The following SMTN variants were observed in gnomAD, a reference collection of about 807,000 sequenced individuals.
The protein encoded by SMTN is smoothelin.
SMTN carries 58 observed loss-of-function variants against 102.0 expected under a neutral mutation model. That is an observed-to-expected ratio of 0.57 (90% CI 0.46 to 0.71). The LOEUF (loss-of-function observed/expected upper bound fraction) is 0.71, where lower values mean the gene tolerates loss of function less well. Among genes scored for constraint, SMTN ranks in the 30% least tolerant of loss-of-function variants. The pLI, the probability that SMTN is intolerant of heterozygous loss-of-function variation, is 0.00. For missense variants in SMTN, 1,185 were observed against 1,241.7 expected (o/e 0.95, Z 0.69); for synonymous variants, 478 against 497.9 (o/e 0.96, Z 0.53).
Position 31,099,836 on chromosome 22 carries a change from A to G in SMTN, c.2543A>G (p.Tyr848Cys). The change falls in exon 19 of 21, where the codon TAT becomes TGT. Residue 848 changes from tyrosine to cysteine, a missense_variant. By Grantham distance (194) the Tyr-to-Cys change is radical (BLOSUM62 -2). Transcript: ENST00000333137. ...VHNFFPEAFD[Y>C]GQLSPQNRRQ... is the part of the protein sequence containing the mutation. The stretch of plus-strand genomic sequence containing the variant: ...AACTTCTTCCCTGAGGCCTTCGACT[A>G]TGGGCAGCTTAGCCCTCAGAACCGA... The G allele has an allele frequency of 1.2e-6, 2 of 1,614,072 alleles. No homozygotes were observed. Among genetic ancestry groups the G allele is most frequent in the Non-Finnish European group, 1.7e-6 (2 of 1,179,956 alleles).
chr22:31,076,729 C>T (rs554533821), upstream of SMTN, among the ~76,000 whole-genome samples: 4 of 152,268 alleles, frequency 2.6e-5, no homozygotes, highest in East Asian at 7.7e-4. Flanking sequence ...CTCTGGGACT[C>T]AGTTACCTAT....
chr22:31,088,338 G>A (rs1184806872), intron 3 of SMTN, 175 bp from the exon 4 acceptor site: 1 of 753,228 alleles, frequency 1.3e-6, no homozygotes, highest in Non-Finnish European at 2.2e-6. Flanking sequence ...CTGAGTGTGT[G>A]GTATTAGTGC....
At chr22:31,071,401 G>A (rs995757197) in intron 1 of SMTN, among the ~76,000 whole-genome samples, 6 of 152,130 alleles carry the variant, frequency 3.9e-5, no homozygotes, top group African/African-American at 1.4e-4. Context: ...GGGAGGCTGA[G>A]GCAGGAGGAT....
In SMTN at chr22:31,084,941, G is replaced by A. The variant is rs2042565816; in HGVS notation, c.51+1632G>A. 6 of 1,364,368 alleles carry A rather than the reference G, an allele frequency of 4.4e-6. No individual in the cohort carries two copies. In the Admixed American group the frequency reaches 1.4e-4, roughly 33 times the overall value. The allele number at this position is 1,364,368 out of a possible 1,614,324, so 84.5% of individuals were successfully genotyped here. On this transcript the variant is annotated intron_variant, in intron 2 of 20. Coordinates refer to ENST00000333137, the MANE Select transcript of SMTN (RefSeq NM_134269.3). ...GGCGTCCCGAGCCGGGCTCCTCCCC[G>A]CGGGGCCGGGCCATATAAGGAAAAG...
At chr22:31,085,031 TC>T in intron 2 of SMTN, 1 of 1,508,888 alleles carries the variant, frequency 6.6e-7, no homozygotes, top group Non-Finnish European at 8.8e-7. Context: ...GGCAGTCGCT[TC>T]CGGCCCCGGC....
At position 31,098,678 on chromosome 22, in the gene SMTN, G is replaced by T. The variant is rs745964072; in HGVS notation, c.2171G>T (p.Arg724Leu). The T allele has an allele frequency of 6.2e-7, 1 of 1,613,298 alleles. No homozygotes were observed. The highest frequency in any genetic ancestry group is 1.7e-5 in the Admixed American group (1 of 59,990). Residue 724 changes from arginine (R) to leucine (L), a missense_variant, in exon 17 of 21, where the codon CGC (arginine) becomes CTC (leucine). Physicochemically the swap from Arg to Leu is moderately radical, Grantham distance 102. Transcript: ENST00000333137. ...TCCCCAACCCCTAGCATCTTCGACCGCGAGGACCAGGCCAGCCCACGGGCC... is the reference window on the plus strand; with the variant it reads ...TCCCCAACCCCTAGCATCTTCGACCTCGAGGACCAGGCCAGCCCACGGGCC... ...SSKKMGSIFD[R>L]EDQASPRAGS...
At chr22:31,092,870 T>C (rs1401269696) in intron 11 of SMTN, among the ~76,000 whole-genome samples, 1 of 152,240 alleles carries the variant, frequency 6.6e-6, no homozygotes, top group Admixed American at 6.5e-5. Context: ...GTGAGCACCA[T>C]GGGCAGGCCA....
In SMTN at chr22:31,104,378, C is replaced by G. The variant is rs756270184; in HGVS notation, c.*83C>G. ...GACATGATGATCATGGGCAAGAAGC[C>G]TGACCCCAAGTGTGTCTTCACCTAT... On this transcript the variant is annotated 3_prime_UTR_variant, in exon 21 of 21. Coordinates refer to ENST00000333137, the MANE Select transcript of SMTN (RefSeq NM_134269.3). The G allele has an allele frequency of 7.4e-6, 12 of 1,614,078 alleles. No homozygotes were observed. Among genetic ancestry groups the G allele is most frequent in the Non-Finnish European group, 8.5e-6 (10 of 1,180,038 alleles).
At chr22:31,103,030 T>C (rs2044222646) in intron 20 of SMTN, 1 of 152,194 alleles carries the variant, frequency 6.6e-6, no homozygotes, top group Admixed American at 6.5e-5. Context: ...GAAACAGTCA[T>C]AGAAAAGGGC....
At chr22:31,086,774 G>A (rs373000298) in intron 2 of SMTN, among the ~76,000 whole-genome samples, 7 of 152,216 alleles carry the variant, frequency 4.6e-5, no homozygotes, top group African/African-American at 1.7e-4. Context: ...GTGGAGCCTG[G>A]AGGGCTCTTC....
At chr22:31,093,899 G>A (rs766633426) in intron 11 of SMTN, 2 of 1,487,904 alleles carry the variant, frequency 1.3e-6, no homozygotes, top group South Asian at 2.6e-5. Context: ...GGGTTGGTGG[G>A]AGGGGTAGTT....
In SMTN at chr22:31,096,983, C is replaced by A; in HGVS notation, c.2027-15C>A. ...CCTGTGCCTTTCACATCCTTCTCAT[C>A]CCCTGCCCCTGCAGATGATGGCACA... On this transcript the variant is annotated splice_polypyrimidine_tract_variant and intron_variant, in intron 14 of 20. Transcript: ENST00000333137. 1 of 1,614,032 alleles carries A rather than the reference C, an allele frequency of 6.2e-7. No individual in the cohort carries two copies.
chr22:31,072,162 T>C (rs2042019838), intron 1 of SMTN, among the ~76,000 whole-genome samples: 1 of 152,096 alleles, frequency 6.6e-6, no homozygotes, highest in South Asian at 2.1e-4. Context: ...CTGACATTCA[T>C]TATGTAAGTC....
chr22:31,080,551 T>C (rs1466213374), upstream of SMTN: 1 of 152,186 alleles, frequency 6.6e-6, no homozygotes, highest in Non-Finnish European at 1.5e-5. Context: ...AGCTTTGCCT[T>C]GTGGATCTGA....
intron 8 of SMTN, among the ~76,000 whole-genome samples, 190 bp downstream of exon 8, chr22:31,090,370 T>C (rs969496819): frequency 9.3e-5 from 10 of 107,318 alleles, no homozygotes; most frequent in Non-Finnish European, 1.7e-4. Context: ...TCCACCCCCA[T>C]GGCTAGAGGC....
intron 1 of SMTN, among the ~76,000 whole-genome samples, chr22:31,074,793 C>G (rs1203995148): frequency 1.4e-5 from 2 of 145,206 alleles, no homozygotes; most frequent in Non-Finnish European, 3.0e-5. Context: ...GTGAAACTGT[C>G]TCAAAAAACA....
chr22:31,098,236 A>G (rs537255748), intron 16 of SMTN, among the ~76,000 whole-genome samples: 2 of 152,346 alleles, frequency 1.3e-5, no homozygotes, highest in South Asian at 2.1e-4. Flanking sequence ...CAGAGGTCTC[A>G]GTTTCCTCAC....
At chr22:31,090,625 C>T (rs1036689339) in intron 8 of SMTN, among the ~76,000 whole-genome samples, 183 bp from the exon 9 acceptor site, 2 of 151,890 alleles carry the variant, frequency 1.3e-5, no homozygotes, top group Admixed American at 1.3e-4. Context: ...GAGATGCAGC[C>T]GAGTGGGGAT....
chr22:31,069,493 G>A (rs2041947455), intron 1 of SMTN, among the ~76,000 whole-genome samples: 1 of 152,200 alleles, frequency 6.6e-6, no homozygotes, highest in African/African-American at 2.4e-5. Context: ...AATTCGAAAA[G>A]CTTTAAAACA....
Sources: allele counts gnomAD v4.1 joint callset (sites outside exome capture counted in the v4.1 genomes callset), GRCh38; gene constraint gnomAD v4.1.1; transcripts MANE v1.5; gene names NCBI Gene and HGNC (gene_info 2026-07-23, HGNC 2026-07-21).